The following NRXN3 variants were observed in gnomAD, a reference collection of about 807,000 sequenced individuals.
NRXN3 encodes the protein neurexin 3, also known as neurexin III.
NRXN3 carries 32 observed loss-of-function variants against 137.6 expected under a neutral mutation model. The ratio of observed to expected loss-of-function variants is 0.23; its 90% CI spans 0.18 to 0.31. The LOEUF is 0.31. NRXN3 is among the 10% of genes least tolerant of loss of function. The pLI, the probability that NRXN3 is intolerant of heterozygous loss-of-function variation, is 1.00. For synonymous variants in NRXN3, 798 were observed against 784.5 expected (o/e 1.02, Z -0.29); for missense variants, 1,574 against 2,062.5 (o/e 0.76, Z 4.59).
At chr14:79,362,886 A>C (rs1218993743) in intron 15 of NRXN3, among the ~76,000 whole-genome samples, 4 of 152,268 alleles carry the variant, frequency 2.6e-5, no homozygotes, top group African/African-American at 9.6e-5. Flanking sequence ...ATTTCCATTT[A>C]GAGTCCTGGC....
chr14:79,564,422 T>C (rs1383549930), intron 16 of NRXN3, among the ~76,000 whole-genome samples: 1 of 152,098 alleles, frequency 6.6e-6, no homozygotes, highest in Non-Finnish European at 1.5e-5. Flanking sequence ...CAAGGTAGGG[T>C]TTCAACAATG....
intron 17 of NRXN3, among the ~76,000 whole-genome samples, chr14:79,679,591 A>G (rs1342816376): frequency 6.6e-6 from 1 of 152,130 alleles, no homozygotes; most frequent in African/African-American, 2.4e-5. Flanking sequence ...AGGTATGTCA[A>G]TGTTTGGTTT....
intron 14 of NRXN3, among the ~76,000 whole-genome samples, chr14:78,981,713 ATTG>A (rs2099489925): frequency 6.6e-6 from 1 of 152,160 alleles, no homozygotes; most frequent in African/African-American, 2.4e-5. Flanking sequence ...AGCTGTGTCT[ATTG>A]TTATATCCTC....
At chr14:79,062,576 G>A (rs1342303190) in intron 15 of NRXN3, among the ~76,000 whole-genome samples, 1 of 152,142 alleles carries the variant, frequency 6.6e-6, no homozygotes, top group Non-Finnish European at 1.5e-5. Context: ...TAGGGATGAG[G>A]GAGCAAGAGC....
At chr14:79,098,377 T>C (rs1310897850) in intron 15 of NRXN3, among the ~76,000 whole-genome samples, 2 of 152,232 alleles carry the variant, frequency 1.3e-5, no homozygotes, top group Non-Finnish European at 2.9e-5. Flanking sequence ...TGCAGCCTCA[T>C]TGCATTTTCT....
chr14:79,702,012 G>C (rs1236575770), intron 19 of NRXN3, among the ~76,000 whole-genome samples: 1 of 152,026 alleles, frequency 6.6e-6, no homozygotes, highest in Non-Finnish European at 1.5e-5. Flanking sequence ...ATCTGCCTCA[G>C]AAAATGGGGC....
chr14:79,368,460 ATTTTTACTTTAAAAGAC>A (rs1205248209), intron 15 of NRXN3, among the ~76,000 whole-genome samples: 1 of 152,168 alleles, frequency 6.6e-6, no homozygotes, highest in African/African-American at 2.4e-5. Flanking sequence ...TGTCTTCCTA[ATTTTTACTTTAAAAGAC>A]TTTTATCTCA....
At chr14:79,130,313 G>C (rs1040382782) in intron 15 of NRXN3, among the ~76,000 whole-genome samples, 1 of 151,972 alleles carries the variant, frequency 6.6e-6, no homozygotes, top group Non-Finnish European at 1.5e-5. Context: ...GCAGCGGCTG[G>C]TATCAGTTGT....
chr14:78,934,582 C>G (rs73323395), intron 10 of NRXN3, among the ~76,000 whole-genome samples: 4 of 152,138 alleles, frequency 2.6e-5, no homozygotes, highest in African/African-American at 9.7e-5. Flanking sequence ...CAGCCAGTAG[C>G]AACAGGTCTC....
intron 8 of NRXN3, among the ~76,000 whole-genome samples, chr14:78,757,844 T>C (rs2098676029): frequency 6.6e-6 from 1 of 152,212 alleles, no homozygotes; most frequent in South Asian, 2.1e-4. Context: ...GTGAAGGGCA[T>C]ATGGGAGCTT....
chr14:78,638,793 T>C lies in NRXN3; in HGVS notation c.758-6327T>C, dbSNP rs976516661. Among the ~76,000 whole-genome samples the C allele has an allele frequency of 1.1e-4, 16 of 152,322 alleles. No individual in the cohort carries two copies. The South Asian group carries it at 1.7e-3, about 16-fold the overall frequency. Reference sequence around the variant, plus strand: ...CCTTGTTCTTTTGCCAGCAAAATACTCAAATTGCTGTTTTAGCTCAATATA... The same window carrying C: ...CCTTGTTCTTTTGCCAGCAAAATACCCAAATTGCTGTTTTAGCTCAATATA... On this transcript the variant is annotated intron_variant, in intron 4 of 20. Coordinates refer to ENST00000335750, the MANE Select transcript of NRXN3 (RefSeq NM_001330195.2).
At chr14:79,279,658 G>T in intron 15 of NRXN3, 1 of 986,778 alleles carries the variant, frequency 1.0e-6, no homozygotes, top group Non-Finnish European at 1.2e-6. Flanking sequence ...GGAAGCCGGC[G>T]GCTGCTCCGT....
At chr14:79,434,352 C>T (rs1251916289) in intron 15 of NRXN3, among the ~76,000 whole-genome samples, 1 of 152,022 alleles carries the variant, frequency 6.6e-6, no homozygotes, top group Non-Finnish European at 1.5e-5. Flanking sequence ...AAAAAAAAAT[C>T]AAGCTGAAGT....
chr14:79,427,460 A>C (rs1249443214), intron 15 of NRXN3, among the ~76,000 whole-genome samples: 1 of 152,128 alleles, frequency 6.6e-6, no homozygotes, highest in African/African-American at 2.4e-5. Context: ...ACACACACAA[A>C]CACACACAAC....
chr14:79,590,777 T>C (rs10133983), intron 16 of NRXN3, among the ~76,000 whole-genome samples: 3,294 of 152,282 alleles, frequency 0.022, 134 homozygotes, highest in African/African-American at 0.075. Flanking sequence ...AGAGGTGGCG[T>C]TGATGGACTC....
At chr14:79,463,982 C>CT (rs1282338763) in intron 15 of NRXN3, among the ~76,000 whole-genome samples, 3 of 151,994 alleles carry the variant, frequency 2.0e-5, no homozygotes, top group African/African-American at 7.2e-5. Flanking sequence ...TCTATGTTTC[C>CT]TGTAGGACTC....
In NRXN3 at chr14:78,195,140, G is replaced by A. The variant is rs142838432; in HGVS notation, c.-704+24466G>A. Reference sequence around the variant, plus strand: ...GTTTTAAATTTCAAGCTGAGATAATGTTTAAGAACTGTAGTTCTTGAAAAA... The same window carrying A: ...GTTTTAAATTTCAAGCTGAGATAATATTTAAGAACTGTAGTTCTTGAAAAA... On this transcript the variant is annotated intron_variant, in intron 1 of 20. Coordinates refer to ENST00000335750, the MANE Select transcript of NRXN3 (RefSeq NM_001330195.2). Among the ~76,000 whole-genome samples the A allele has an allele frequency of 1.8e-4, 27 of 146,334 alleles. No individual in the cohort carries two copies. The East Asian group carries it at 2.0e-3, about 11-fold the overall frequency.
chr14:79,330,801 T>G (rs192705219), intron 15 of NRXN3, among the ~76,000 whole-genome samples: 118 of 152,354 alleles, frequency 7.7e-4, no homozygotes, highest in African/African-American at 2.7e-3. Context: ...ATATTTCACT[T>G]TCCTGTTTAA....
At chr14:78,555,052 C>T (rs549840941) in intron 4 of NRXN3, among the ~76,000 whole-genome samples, 15 of 152,032 alleles carry the variant, frequency 9.9e-5, no homozygotes, top group Non-Finnish European at 1.3e-4. Flanking sequence ...TTGTCTTAGG[C>T]AAGTCACATA....
Sources: allele counts gnomAD v4.1 joint callset (sites outside exome capture counted in the v4.1 genomes callset), GRCh38; gene constraint gnomAD v4.1.1; transcripts MANE v1.5; gene names NCBI Gene and HGNC (gene_info 2026-07-23, HGNC 2026-07-21).